Variants in SPATA17 observed in about 807,000 individuals in gnomAD.
SPATA17 encodes the protein spermatogenesis associated 17, also known as spermatogenesis-associated protein 17.
Under a neutral mutation model 62.2 loss-of-function variants are expected in SPATA17, and 53 were observed. That is an observed-to-expected ratio of 0.85 (90% CI 0.68 to 1.07). SPATA17 has a LOEUF of 1.07. Ranked by LOEUF, SPATA17 falls within the 50% of genes least tolerant of loss-of-function variation. The pLI is 0.00. For missense variants in SPATA17, 466 were observed against 425.5 expected (o/e 1.10, Z -0.84); for synonymous variants, 146 against 146.8 (o/e 0.99, Z 0.04).
At chr1:217,809,811 T>G (rs1674540251) in intron 9 of SPATA17, among the ~76,000 whole-genome samples, 1 of 152,218 alleles carries the variant, frequency 6.6e-6, no homozygotes, top group Admixed American at 6.6e-5. Context: ...TTTCATAAAA[T>G]TCAGCAATCA....
chr1:217,770,252 A>G (rs1182184479), intron 6 of SPATA17, among the ~76,000 whole-genome samples: 1 of 152,206 alleles, frequency 6.6e-6, no homozygotes, highest in Non-Finnish European at 1.5e-5. Context: ...AGAAATTTTT[A>G]ATCAAGAGGC....
chr1:217,750,771 C>T (rs1194082029), intron 6 of SPATA17, among the ~76,000 whole-genome samples: 1 of 152,190 alleles, frequency 6.6e-6, no homozygotes, highest in African/African-American at 2.4e-5. Flanking sequence ...TGCCACTCGT[C>T]GGAATGTGCT....
intron 8 of SPATA17, among the ~76,000 whole-genome samples, chr1:217,787,285 G>A (rs1279058358): frequency 2.0e-5 from 3 of 152,026 alleles, no homozygotes; most frequent in African/African-American, 7.2e-5. Context: ...AAAGAGATTC[G>A]ATTATGCGAT....
At chr1:217,675,412 A>G (rs188001792) in intron 4 of SPATA17, among the ~76,000 whole-genome samples, 4 of 152,222 alleles carry the variant, frequency 2.6e-5, no homozygotes, top group Non-Finnish European at 5.9e-5. Context: ...CCCATTTCAT[A>G]TTGTTGTCTG....
intron 5 of SPATA17, among the ~76,000 whole-genome samples, chr1:217,730,540 T>C (rs1672380116): frequency 6.6e-6 from 1 of 152,120 alleles, no homozygotes; most frequent in African/African-American, 2.4e-5. Flanking sequence ...TTTGTTTGTT[T>C]GTTTTCAAAT....
intron 5 of SPATA17, among the ~76,000 whole-genome samples, chr1:217,717,335 C>T (rs1672026929): frequency 6.6e-6 from 1 of 152,132 alleles, no homozygotes; most frequent in Non-Finnish European, 1.5e-5. Context: ...TTTGGCCAGG[C>T]ACGGTGGCTC....
intron 3 of SPATA17, among the ~76,000 whole-genome samples, chr1:217,652,014 C>T (rs1038785837): frequency 1.5e-4 from 23 of 152,154 alleles, no homozygotes; most frequent in Non-Finnish European, 2.8e-4. Context: ...ACAGTTGTCT[C>T]GTAATTGCCA....
chr1:217,863,048 T>C (rs1675929671), intron 10 of SPATA17, among the ~76,000 whole-genome samples, 192 bp downstream of exon 10: 1 of 151,974 alleles, frequency 6.6e-6, no homozygotes. Flanking sequence ...ATTTTACTTT[T>C]CAGATCTCTT....
intron 1 of SPATA17, among the ~76,000 whole-genome samples, chr1:217,637,050 T>C (rs1669958543): frequency 6.6e-6 from 1 of 152,146 alleles, no homozygotes; most frequent in African/African-American, 2.4e-5. Context: ...AGACATGCTA[T>C]ATAGACCAAC....
At chr1:217,760,646 G>A (rs11583816) in intron 6 of SPATA17, among the ~76,000 whole-genome samples, 42,635 of 152,032 alleles carry the variant, frequency 0.28, 7,308 homozygotes, top group Non-Finnish European at 0.39. Flanking sequence ...GTTTTTTGCA[G>A]AATCCCATAT....
intron 6 of SPATA17, among the ~76,000 whole-genome samples, chr1:217,763,689 C>G (rs987338058): frequency 6.6e-6 from 1 of 152,104 alleles, no homozygotes; most frequent in South Asian, 2.1e-4. Context: ...GTGTGAAGCA[C>G]TTCGGTAAAG....
intron 6 of SPATA17, among the ~76,000 whole-genome samples, chr1:217,755,736 T>A (rs936556192): frequency 6.6e-6 from 1 of 151,980 alleles, no homozygotes; most frequent in African/African-American, 2.4e-5. Flanking sequence ...GTTGTATTTA[T>A]AATACATAAT....
chr1:217,751,021 A>G (rs1356034916), intron 6 of SPATA17, among the ~76,000 whole-genome samples: 3 of 152,270 alleles, frequency 2.0e-5, no homozygotes, highest in South Asian at 2.1e-4. Flanking sequence ...ACTGTATCCT[A>G]CCTTTATGAC....
chr1:217,861,387 T>TTATATATA (rs146592830), intron 9 of SPATA17, among the ~76,000 whole-genome samples: 49 of 145,364 alleles, frequency 3.4e-4, no homozygotes, highest in East Asian at 2.2e-3. Context: ...AAATAAAATA[T>TTATATATA]TATATATATA....
At chr1:217,781,330 C>G (rs1673721968) in intron 7 of SPATA17, 1 of 152,106 alleles carries the variant, frequency 6.6e-6, no homozygotes, top group Non-Finnish European at 1.5e-5. Flanking sequence ...GATTAGAAAT[C>G]TTTGTCCATT....
At chr1:217,780,230 A>G (rs1047798036) in intron 7 of SPATA17, among the ~76,000 whole-genome samples, 3 of 152,162 alleles carry the variant, frequency 2.0e-5, no homozygotes, top group African/African-American at 7.2e-5. Context: ...AATATAAATC[A>G]ACAAAAATTT....
intron 3 of SPATA17, among the ~76,000 whole-genome samples, chr1:217,664,966 CAT>C (rs1484771525): frequency 6.6e-6 from 1 of 151,542 alleles, no homozygotes. Flanking sequence ...CAAGCAAAGT[CAT>C]ATGAATATGA....
chr1:217,804,162 A>G (rs1236405879), intron 9 of SPATA17, among the ~76,000 whole-genome samples: 1 of 152,218 alleles, frequency 6.6e-6, no homozygotes, highest in Non-Finnish European at 1.5e-5. Flanking sequence ...TATATTACAA[A>G]GTCATAGTAA....
At chr1:217,781,999 C>G (rs1673738284) in intron 7 of SPATA17, 175 bp from the exon 8 acceptor site, 1 of 503,192 alleles carries the variant, frequency 2.0e-6, no homozygotes, top group African/African-American at 2.1e-5. Flanking sequence ...GAGAACATTG[C>G]TTGAAAATAA....
Sources: allele counts gnomAD v4.1 joint callset (sites outside exome capture counted in the v4.1 genomes callset), GRCh38; gene constraint gnomAD v4.1.1; transcripts MANE v1.5; gene names NCBI Gene and HGNC (gene_info 2026-07-23, HGNC 2026-07-21).